The following ZDHHC3 variants were observed in gnomAD, a reference collection of about 807,000 sequenced individuals.
ZDHHC3 encodes palmitoyltransferase ZDHHC3.
In ZDHHC3, 9 loss-of-function variants were observed where a neutral mutation model predicts 30.6. That is an observed-to-expected ratio of 0.29 (90% confidence interval 0.18 to 0.51). ZDHHC3 has a LOEUF of 0.51. ZDHHC3 is among the 20% of genes least tolerant of loss of function. ZDHHC3 has a pLI of 0.97. For missense variants in ZDHHC3, 246 were observed against 384.2 expected (o/e 0.64, Z 3.01); for synonymous variants, 136 against 140.2 (o/e 0.97, Z 0.21).
chr3:44,958,450 C>T, intron 2 of ZDHHC3: 3 of 782,842 alleles, frequency 3.8e-6, no homozygotes, highest in Non-Finnish European at 4.3e-6. Context: ...TATTCTCTTG[C>T]TTTTCCCATA....
In ZDHHC3 at chr3:44,923,646, C is replaced by CA. The variant is rs1181556424; in HGVS notation, c.*3042dup. 4.8e-6 allele frequency: 4 copies of CA among 838,210 alleles called. No homozygotes were observed. The highest frequency in any genetic ancestry group is 1.2e-4 in the East Asian group (1 of 8,090). 51.9% of individuals were successfully genotyped at this position (838,210 alleles called of 1,614,324 possible). The stretch of plus-strand genomic sequence containing the variant: ...GTGAGACCCTGACTCTATTAAAAAA[C>CA]AAAAAAATTAGCCAGGCATGGTAGT... On this transcript the variant is annotated 3_prime_UTR_variant, in exon 7 of 7. Transcript: ENST00000424952.
chr3:44,926,446 G>A lies in ZDHHC3; in HGVS notation c.*243C>T. 8.0e-7 allele frequency: 1 copy of A among 1,244,176 alleles called. No individual in the cohort carries two copies. The highest frequency in any genetic ancestry group is 1.0e-6 in the Non-Finnish European group (1 of 994,704). The allele number at this position is 1,244,176 out of a possible 1,614,324, so 77.1% of individuals were successfully genotyped here. A position where few individuals can be genotyped will look rare whatever the true frequency, so the allele number is the denominator to read the frequency against. The stretch of plus-strand genomic sequence containing the variant: ...CAGAGAGAAACCAGAGGCCAGAGAA[G>A]TGATTTTAAAAGGAAAAGAGAGCAG... On this transcript the variant is annotated 3_prime_UTR_variant, in exon 7 of 7. Coordinates refer to ENST00000424952, the MANE Select transcript of ZDHHC3 (RefSeq NM_001135179.2).
intron 3 of ZDHHC3, chr3:44,938,006 CAG>C (rs1192391675): frequency 4.5e-5 from 18 of 403,768 alleles, no homozygotes; most frequent in Middle Eastern, 8.1e-4. Flanking sequence ...TTTTTGGAGA[CAG>C]AGTCTCGCTC....
intron 3 of ZDHHC3, among the ~76,000 whole-genome samples, chr3:44,934,791 C>T (rs1701805951): frequency 6.7e-6 from 1 of 149,804 alleles, no homozygotes; most frequent in Non-Finnish European, 1.5e-5. Flanking sequence ...ACTCGGGAGG[C>T]TGAGGCAGGA....
At chr3:44,939,762 C>T (rs940032108) in intron 3 of ZDHHC3, among the ~76,000 whole-genome samples, 1 of 152,200 alleles carries the variant, frequency 6.6e-6, no homozygotes, top group East Asian at 1.9e-4. Flanking sequence ...TGCCAGGAAG[C>T]TGGGTTTCCC....
At chr3:44,929,688 C>T (rs960525787) in intron 5 of ZDHHC3, among the ~76,000 whole-genome samples, 1 of 152,248 alleles carries the variant, frequency 6.6e-6, no homozygotes, top group African/African-American at 2.4e-5. Flanking sequence ...ACAAATCATT[C>T]CTTGTTCACT....
At position 44,923,949 on chromosome 3, in the gene ZDHHC3, A is replaced by T. The variant is rs1421767003; in HGVS notation, c.*2740T>A. On this transcript the variant is annotated 3_prime_UTR_variant, in exon 7 of 7. Transcript: ENST00000424952. ...ATGCATAGATTATAGATTTGCTTGG[A>T]TCTAAGCCTTTTGCATATTCAGTCT... 1 of 985,356 alleles carries T rather than the reference A, an allele frequency of 1.0e-6. No individual in the cohort carries two copies. The highest frequency in any genetic ancestry group is 1.7e-5 in the African/African-American group (1 of 57,252). The allele number at this position is 985,356 out of a possible 1,614,324, so 61.0% of individuals were successfully genotyped here.
At chr3:44,964,529 C>T (rs1375526572) in intron 1 of ZDHHC3, among the ~76,000 whole-genome samples, 1 of 152,166 alleles carries the variant, frequency 6.6e-6, no homozygotes, top group Non-Finnish European at 1.5e-5. Context: ...TTTAGAAAGC[C>T]TCTAAACTTC....
At position 44,918,243 on chromosome 3, in the gene ZDHHC3, G is replaced by A. The variant is rs913546482; in HGVS notation, c.*8446C>T. ...ATAGCATAGCAGTGGCGGGGGGGGGGGCGGGGTGTCCACGGCATGGGTAAG... is the reference window on the plus strand; with the variant it reads ...ATAGCATAGCAGTGGCGGGGGGGGGAGCGGGGTGTCCACGGCATGGGTAAG... On this transcript the variant is annotated 3_prime_UTR_variant, in exon 7 of 7. Transcript: ENST00000424952. The A allele has an allele frequency of 9.5e-6, 11 of 1,162,056 alleles. No individual in the cohort carries two copies. The highest frequency in any genetic ancestry group is 6.2e-5 in the South Asian group (4 of 64,782). The allele number at this position is 1,162,056 out of a possible 1,614,324, so 72.0% of individuals were successfully genotyped here. A position where few individuals can be genotyped will look rare whatever the true frequency, so the allele number is the denominator to read the frequency against.
intron 2 of ZDHHC3, among the ~76,000 whole-genome samples, chr3:44,947,219 G>A (rs1703023365): frequency 6.6e-6 from 1 of 152,228 alleles, no homozygotes; most frequent in Non-Finnish European, 1.5e-5. Context: ...TAAGAGAGCA[G>A]AAGGAAGTTC....
Position 44,959,050 on chromosome 3 carries a change from G to A in ZDHHC3, c.306+81C>T. On this transcript the variant is annotated intron_variant, in intron 2 of 6. Transcript: ENST00000424952. The surrounding 1 kb of genome is among the most constrained non-coding windows in gnomAD (Gnocchi z 4.3). Reference sequence around the variant, plus strand: ...CTATCCTCCAAGTTCCCAAGGTCCAGGGGGAACATGCAGGCTGTGGCCATG... The same window carrying A: ...CTATCCTCCAAGTTCCCAAGGTCCAAGGGGAACATGCAGGCTGTGGCCATG... 6.5e-7 allele frequency: 1 copy of A among 1,533,938 alleles called. No individual in the cohort carries two copies. The highest frequency in any genetic ancestry group is 8.9e-7 in the Non-Finnish European group (1 of 1,122,124).
At chr3:44,975,366 A>T (rs540868533) in intron 1 of ZDHHC3, 1 of 152,238 alleles carries the variant, frequency 6.6e-6, no homozygotes, top group South Asian at 2.1e-4. Flanking sequence ...ACTTCCATCA[A>T]GCCGGGGTTT....
At chr3:44,961,163 C>T (rs927178312) in intron 1 of ZDHHC3, among the ~76,000 whole-genome samples, 2 of 152,160 alleles carry the variant, frequency 1.3e-5, no homozygotes, top group Non-Finnish European at 2.9e-5. Flanking sequence ...GAGGCCAAGG[C>T]GGGTGGATCA....
chr3:44,932,915 C>T, intron 5 of ZDHHC3: 16 of 1,614,148 alleles, frequency 9.9e-6, no homozygotes, highest in Non-Finnish European at 1.4e-5. Flanking sequence ...ACCTGTCGAA[C>T]TGAAGTTAAG....
intron 1 of ZDHHC3, among the ~76,000 whole-genome samples, chr3:44,971,285 C>T (rs1366094379): frequency 6.6e-6 from 1 of 152,204 alleles, no homozygotes; most frequent in African/African-American, 2.4e-5. Context: ...ATACATACTA[C>T]GAAGTCTATG....
intron 1 of ZDHHC3, among the ~76,000 whole-genome samples, chr3:44,963,185 G>A (rs773769041): frequency 1.6e-4 from 25 of 152,186 alleles, no homozygotes; most frequent in African/African-American, 2.4e-4. Context: ...TAACCGGAAT[G>A]TTCTATCTTC....
chr3:44,933,086 G>A lies in ZDHHC3; in HGVS notation c.610+32C>T, dbSNP rs370440313. The A allele has an allele frequency of 4.3e-5, 69 of 1,611,556 alleles. No homozygotes were observed. The African/African-American group carries it at 7.7e-4, about 18-fold the overall frequency. Reference sequence around the variant, plus strand: ...CCACTCAGGTCACACACCCACCCTGGAGCAGGGAGGAAAGCCTCAGCACAT... The same window carrying A: ...CCACTCAGGTCACACACCCACCCTGAAGCAGGGAGGAAAGCCTCAGCACAT... On this transcript the variant is annotated intron_variant, in intron 5 of 6. Transcript: ENST00000424952.
Position 44,930,018 on chromosome 3 carries a change from T to G in ZDHHC3, c.611-582A>C, listed in dbSNP as rs114656485. ...TTGACCACAGTGTGAGGTAATGCAC[T>G]GCCCCCGCTCCCAGGGACATTTGCA... is the stretch of plus-strand genomic sequence containing the variant. On this transcript the variant is annotated intron_variant, in intron 5 of 6. Transcript: ENST00000424952. Among the ~76,000 whole-genome samples the G allele has an allele frequency of 7.9e-3, 1,197 of 152,296 alleles. 16 individuals carry two copies. Among genetic ancestry groups the G allele is most frequent in the African/African-American group, 0.027 (1,142 of 41,564 alleles).
In ZDHHC3 at chr3:44,961,308, C is replaced by T. The variant is rs557058872; in HGVS notation, c.-24-1848G>A. ...TGGGGAGGCTGAGGCAGGAGAATGG[C>T]GTGAACCCAGGAGGCGGAGCTTGCA... is the stretch of plus-strand genomic sequence containing the variant. On this transcript the variant is annotated intron_variant, in intron 1 of 6. Transcript: ENST00000424952. Among the ~76,000 whole-genome samples the T allele has an allele frequency of 3.9e-5, 6 of 152,310 alleles. No homozygotes were observed. The East Asian group carries it at 9.6e-4, about 24-fold the overall frequency.
Sources: allele counts gnomAD v4.1 joint callset (sites outside exome capture counted in the v4.1 genomes callset), GRCh38; gene constraint gnomAD v4.1.1; non-coding constraint Gnocchi (gnomAD v3.1); transcripts MANE v1.5; gene names NCBI Gene and HGNC (gene_info 2026-07-23, HGNC 2026-07-21).